The following LMF1 variants were observed in gnomAD, a reference collection of about 807,000 sequenced individuals.
LMF1 encodes the protein lipase maturation factor 1.
In LMF1, 68 loss-of-function variants were observed where a neutral mutation model predicts 60.6. The observed-to-expected ratio is 1.12, with a 90% CI of 0.92 to 1.37. LMF1 has a LOEUF of 1.37. Among genes scored for constraint, LMF1 ranks in the 40% most tolerant of loss-of-function variants. LMF1 has a pLI of 0.00. For synonymous variants in LMF1, 418 were observed against 324.7 expected, an observed-to-expected ratio of 1.29 and a Z score of -3.09; for missense variants, 948 against 767.2, an observed-to-expected ratio of 1.24 and a Z score of -2.78.
chr16:934,478 T>C (rs1209144468), intron 2 of LMF1: 7 of 578,352 alleles, frequency 1.2e-5, no homozygotes, highest in East Asian at 1.2e-4. Flanking sequence ...TATTCCAAGA[T>C]ACACCTACTA....
chr16:854,993 C>T, intron 10 of LMF1: 1 of 520,896 alleles, frequency 1.9e-6, no homozygotes, highest in Non-Finnish European at 3.5e-6. Context: ...AGGGACCGGC[C>T]CGGGGAAGGC....
rs79706163 is a variant in LMF1, at chr16:931,908, C to T, written c.514+2336G>A. 2,277 of 852,222 alleles carry T rather than the reference C, an allele frequency of 2.7e-3. 36 individuals carry two copies. In the African/African-American group the frequency reaches 0.036, roughly 14 times the overall value. 52.8% of individuals were successfully genotyped at this position (852,222 alleles called of 1,614,324 possible). A position where few individuals can be genotyped will look rare whatever the true frequency, so the allele number is the denominator to read the frequency against. On this transcript the variant is annotated intron_variant, in intron 3 of 10. Transcript: ENST00000262301. ...AGTCCCTACAATTACCACCTGCTAC[C>T]GAAGAATCAGTTAGAATGTATGACG...
At chr16:893,192 C>T (rs1321159831) in intron 4 of LMF1, 120 bp from the exon 5 acceptor site, 4 of 841,186 alleles carry the variant, frequency 4.8e-6, no homozygotes, top group Admixed American at 4.0e-5. Context: ...GGGCTGCAGG[C>T]GCTGTGAGGG....
At chr16:877,038 G>A (rs746446838) in intron 6 of LMF1, among the ~76,000 whole-genome samples, 24 of 152,150 alleles carry the variant, frequency 1.6e-4, no homozygotes, top group Admixed American at 1.2e-3. Flanking sequence ...GATGCGTGTC[G>A]GTGAGGACAC....
At chr16:893,148 A>G (rs899454946) in intron 4 of LMF1, 76 bp from the exon 5 acceptor site, 17 of 1,296,876 alleles carry the variant, frequency 1.3e-5, no homozygotes, top group Middle Eastern at 1.8e-4. Flanking sequence ...ACAGCTTCCC[A>G]GGAAGACGAA....
At chr16:873,352 C>G (rs1311611526) in intron 6 of LMF1, 1 of 152,284 alleles carries the variant, frequency 6.6e-6, no homozygotes, top group Non-Finnish European at 1.5e-5. Flanking sequence ...CACAGATGAC[C>G]CGGCCGGTGG....
intron 3 of LMF1, among the ~76,000 whole-genome samples, chr16:928,266 G>T (rs934498821): frequency 1.3e-5 from 2 of 152,204 alleles, no homozygotes; most frequent in Non-Finnish European, 2.9e-5. Flanking sequence ...CAGGCCACCT[G>T]TGTGTTGGCG....
At chr16:915,672 T>G (rs532232743) in intron 3 of LMF1, among the ~76,000 whole-genome samples, 70 of 152,200 alleles carry the variant, frequency 4.6e-4, no homozygotes, top group African/African-American at 1.5e-3. Flanking sequence ...AGGGACAGGG[T>G]GCAGTGCTGG....
chr16:879,344 G>A (rs2070091069), intron 6 of LMF1, among the ~76,000 whole-genome samples: 1 of 152,196 alleles, frequency 6.6e-6, no homozygotes, highest in Non-Finnish European at 1.5e-5. Flanking sequence ...GCTCTTGGGA[G>A]GAGCCAGTCC....
At chr16:955,985 C>A (rs376554667) in intron 1 of LMF1, among the ~76,000 whole-genome samples, 4 of 141,572 alleles carry the variant, frequency 2.8e-5, no homozygotes, top group Admixed American at 7.1e-5. Flanking sequence ...TCCGAGTTCA[C>A]GTCTCACGGC....
In LMF1 at chr16:953,998, GCCTCCTACACGTCCACACAGACACCC is replaced by G. The variant is rs2072588736; in HGVS notation, c.503+333_503+358del. 2.5e-5 allele frequency among the ~76,000 whole-genome samples: 2 copies of G among 79,866 alleles called. 1 individual carries two copies. Among genetic ancestry groups the G allele is most frequent in the African/African-American group, 1.0e-4 (2 of 19,568 alleles). 52.4% of individuals were successfully genotyped at this position (79,866 alleles called of 152,430 possible). A position where few individuals can be genotyped will look rare whatever the true frequency, so the allele number is the denominator to read the frequency against. ...ATGTCCACACAGACACCCCAAACCAGCCTCCTACACGTCCACACAGACACCCACCCCAAACCAGCCTCCTACACGTC... is the reference window on the plus strand; with the variant it reads ...ATGTCCACACAGACACCCCAAACCAGACCCCAAACCAGCCTCCTACACGTC... On this transcript the variant is annotated intron_variant, in intron 2 of 10. Transcript: ENST00000262301.
At chr16:937,522 A>G (rs2071980829) in intron 2 of LMF1, among the ~76,000 whole-genome samples, 2 of 152,136 alleles carry the variant, frequency 1.3e-5, no homozygotes, top group Admixed American at 1.3e-4. Context: ...CTGTTGACCG[A>G]CAGGCTGCTG....
chr16:927,282 C>T (rs80022419), intron 3 of LMF1, among the ~76,000 whole-genome samples: 1,820 of 152,304 alleles, frequency 0.012, 39 homozygotes, highest in African/African-American at 0.042. Context: ...ATGAAGAACA[C>T]GACCAGACAC....
intron 10 of LMF1, among the ~76,000 whole-genome samples, chr16:867,024 G>C (rs1275325143): frequency 6.6e-6 from 1 of 152,164 alleles, no homozygotes; most frequent in Non-Finnish European, 1.5e-5. Flanking sequence ...GTAAGTGTCT[G>C]TTCCATCTTC....
chr16:898,436 G>A (rs139180556), intron 4 of LMF1, among the ~76,000 whole-genome samples: 139 of 152,356 alleles, frequency 9.1e-4, no homozygotes, highest in Non-Finnish European at 1.4e-3. Context: ...TCTAAGGCCT[G>A]TTCTCAGAGG....
chr16:869,699 G>T, intron 9 of LMF1, 184 bp downstream of exon 9: 1 of 706,320 alleles, frequency 1.4e-6, no homozygotes, highest in Non-Finnish European at 2.4e-6. Flanking sequence ...TCCCACATGA[G>T]GCCCCTCCTA....
At position 970,890 on chromosome 16, in the gene LMF1, G is replaced by C. The variant is rs1596178061; in HGVS notation, c.91C>G (p.Pro31Ala). ...GYSDPEPESP[P>A]APGRGPAGSP... is the part of the protein sequence containing the mutation. The stretch of plus-strand genomic sequence containing the variant: ...CCTGCGGGGCCACGCCCCGGCGCGG[G>C]CGGCGACTCAGGCTCCGGATCCGAG... Residue 31 changes from proline to alanine, a missense_variant, in exon 1 of 11, where the codon CCC becomes GCC. Coordinates refer to ENST00000262301, the MANE Select transcript of LMF1 (RefSeq NM_022773.4). 18 of 1,575,622 alleles carry C rather than the reference G, an allele frequency of 1.1e-5. No individual in the cohort carries two copies. The highest frequency in any genetic ancestry group is 1.4e-5 in the Non-Finnish European group (16 of 1,163,012).
At chr16:944,463 C>T (rs142354054) in intron 2 of LMF1, among the ~76,000 whole-genome samples, 20 of 152,366 alleles carry the variant, frequency 1.3e-4, no homozygotes, top group South Asian at 2.1e-4. Flanking sequence ...AGCTTGGAGA[C>T]GCCTTGTGTT....
chr16:898,748 G>A (rs766783031), intron 4 of LMF1, among the ~76,000 whole-genome samples: 1 of 152,248 alleles, frequency 6.6e-6, no homozygotes, highest in African/African-American at 2.4e-5. Context: ...GGATTGGTTT[G>A]CCTTCCAGAA....
Sources: allele counts gnomAD v4.1 joint callset (sites outside exome capture counted in the v4.1 genomes callset), GRCh38; gene constraint gnomAD v4.1.1; transcripts MANE v1.5; gene names NCBI Gene and HGNC (gene_info 2026-07-23, HGNC 2026-07-21).